The following POLR2M variants were observed in gnomAD, a reference collection of about 807,000 sequenced individuals.
The protein encoded by POLR2M is RNA polymerase II subunit M.
POLR2M carries 30 observed loss-of-function variants against 34.6 expected under a neutral mutation model. The observed-to-expected ratio is 0.87, with a 90% CI of 0.65 to 1.18. The LOEUF (loss-of-function observed/expected upper bound fraction) is 1.18. POLR2M is among the 50% of genes most tolerant of loss of function. The pLI, the probability that POLR2M is intolerant of heterozygous loss-of-function variation, is 0.00. For synonymous variants in POLR2M, 150 were observed against 166.7 expected (o/e 0.90, Z 0.77); for missense variants, 432 against 448.7 (o/e 0.96, Z 0.34).
Position 57,706,747 on chromosome 15 carries a change from C to G in POLR2M, c.-96C>G, listed in dbSNP as rs1010742799. ...GGGAAAATGGCGACTCCCGCTCGTGCCCCGGAGTCACCGCCGTCCGCGGAT... is the reference window on the plus strand; with the variant it reads ...GGGAAAATGGCGACTCCCGCTCGTGGCCCGGAGTCACCGCCGTCCGCGGAT... On this transcript the variant is annotated 5_prime_UTR_variant, in exon 1 of 4. Transcript: ENST00000299638. 7.2e-6 allele frequency: 10 copies of G among 1,395,518 alleles called. No individual in the cohort carries two copies. In the South Asian group the frequency reaches 1.1e-4, roughly 15 times the overall value. 86.4% of individuals were successfully genotyped at this position (1,395,518 alleles called of 1,614,324 possible).
Position 57,712,230 on chromosome 15 carries a change from G to A in POLR2M, c.963+42G>A, listed in dbSNP as rs1863402. 2.1e-3 allele frequency: 3,392 copies of A among 1,604,008 alleles called. 64 individuals are homozygous for A. In the African/African-American group the frequency reaches 0.04, roughly 19 times the overall value. ...TTTTCTTGTCTGTTTGTTGGGTGCT[G>A]CTTACATAAGCTAGAATTTACTCCA... is the stretch of plus-strand genomic sequence containing the variant. On this transcript the variant is annotated intron_variant, in intron 3 of 3. Coordinates refer to ENST00000299638, the MANE Select transcript of POLR2M (RefSeq NM_015532.5).
intron 3 of POLR2M, among the ~76,000 whole-genome samples, chr15:57,712,746 G>T (rs1239714203): frequency 6.6e-6 from 1 of 152,184 alleles, no homozygotes; most frequent in Non-Finnish European, 1.5e-5. Context: ...AATCAATTTT[G>T]CATAGCACTT....
Position 57,716,755 on chromosome 15 carries a change from C to A in POLR2M, c.*2076C>A, listed in dbSNP as rs1195277862. On this transcript the variant is annotated 3_prime_UTR_variant, in exon 4 of 4. Coordinates refer to ENST00000299638, the MANE Select transcript of POLR2M (RefSeq NM_015532.5). ...GTTCTTAAGAATGTCCGTCCTTTGT[C>A]ATATATTGTAACTTTTTTTAGCCTT... The A allele has an allele frequency of 1.3e-5, 2 of 152,308 alleles. No homozygotes were observed. Among genetic ancestry groups the A allele is most frequent in the Admixed American group, 6.5e-5 (1 of 15,300 alleles). 9.4% of individuals were successfully genotyped at this position (152,308 alleles called of 1,614,324 possible). A position where few individuals can be genotyped will look rare whatever the true frequency, so the allele number is the denominator to read the frequency against.
chr15:57,712,690 T>C (rs16977644), intron 3 of POLR2M, among the ~76,000 whole-genome samples: 54,737 of 152,142 alleles, frequency 0.36, 12,462 homozygotes, highest in African/African-American at 0.63. Context: ...GAGCATAATC[T>C]GCAGGCCCAT....
Position 57,712,061 on chromosome 15 carries a change from G to C in POLR2M, c.836G>C (p.Arg279Pro). 1 of 1,613,996 alleles carries C rather than the reference G, an allele frequency of 6.2e-7. No homozygotes were observed. The highest frequency in any genetic ancestry group is 1.1e-5 in the South Asian group (1 of 91,074). ...CCTATTTCCTCAGAAGAGCGGCGGC[G>C]CAGGGATAAGCAGCATCTTGATGAC... ...GSPISSEERR[R>P]RDKQHLDDIT... The change falls in exon 3 of 4, where the codon CGC (arginine) becomes CCC (proline). Residue 279 changes from arginine to proline, a missense_variant. Physicochemically the swap from Arg to Pro is moderately radical, Grantham distance 103. Transcript: ENST00000299638.
Position 57,709,038 on chromosome 15 carries a change from T to A in POLR2M, c.438T>A (p.Val146=). Residue 146 remains valine, a synonymous_variant, in exon 2 of 4, where the codon GTT becomes GTA. Transcript: ENST00000299638. ...TLEGDEETSE[V]EYTVNKGPAS... ...AAGGTGATGAAGAGACTTCAGAGGT[T>A]GAGTACACAGTGAATAAGGGCCCAG... is the stretch of plus-strand genomic sequence containing the variant. 1 of 1,614,084 alleles carries A rather than the reference T, an allele frequency of 6.2e-7. No individual in the cohort carries two copies. The highest frequency in any genetic ancestry group is 8.5e-7 in the Non-Finnish European group (1 of 1,179,988).
Position 57,716,515 on chromosome 15 carries a change from A to G in POLR2M, c.*1836A>G, listed in dbSNP as rs1465983387. On this transcript the variant is annotated 3_prime_UTR_variant, in exon 4 of 4. Transcript: ENST00000299638. ...TACATTCCCATTAGCAATATATCCAATGCTCAGAATTGAAAATTACTACTT... is the reference window on the plus strand; with the variant it reads ...TACATTCCCATTAGCAATATATCCAGTGCTCAGAATTGAAAATTACTACTT... 2.0e-5 allele frequency: 3 copies of G among 152,288 alleles called. No individual in the cohort carries two copies. Among genetic ancestry groups the G allele is most frequent in the East Asian group, 3.8e-4 (2 of 5,208 alleles). The allele number at this position is 152,288 out of a possible 1,614,324, so 9.4% of individuals were successfully genotyped here. A position where few individuals can be genotyped will look rare whatever the true frequency, so the allele number is the denominator to read the frequency against.
chr15:57,708,522 C>A lies in POLR2M; in HGVS notation c.114-192C>A, dbSNP rs532847757. Among the ~76,000 whole-genome samples the A allele has an allele frequency of 2.8e-4, 42 of 152,240 alleles. No individual in the cohort carries two copies. In the South Asian group the frequency reaches 8.5e-3, roughly 31 times the overall value. On this transcript the variant is annotated intron_variant, in intron 1 of 3. Transcript: ENST00000299638. ...ATATATTCCCTATTCTTCCTGCATT[C>A]CCTTGTTTTTTGGGCTATTTGGATA...
chr15:57,710,926 A>G (rs1016168904), intron 2 of POLR2M, among the ~76,000 whole-genome samples: 1 of 151,816 alleles, frequency 6.6e-6, no homozygotes, highest in Non-Finnish European at 1.5e-5. Context: ...CCTTCTGCAT[A>G]CTCTTCTGGC....
chr15:57,710,253 A>C (rs2040656932), intron 2 of POLR2M, among the ~76,000 whole-genome samples: 1 of 152,208 alleles, frequency 6.6e-6, no homozygotes, highest in African/African-American at 2.4e-5. Context: ...CCTTGCCATA[A>C]ATTTGTTTCT....
rs377736232 is a variant in POLR2M, at chr15:57,714,633, G to A, written c.1061G>A (p.Arg354Gln). 25 of 1,612,420 alleles carry A rather than the reference G, an allele frequency of 1.6e-5. No homozygotes were observed. Among genetic ancestry groups the A allele is most frequent in the Admixed American group, 5.0e-5 (3 of 59,946 alleles). The change falls in exon 4 of 4, where the codon CGA becomes CAA. Residue 354 changes from arginine to glutamine, a missense_variant. Physicochemically the swap from Arg to Gln is conservative, Grantham distance 43. Coordinates refer to ENST00000299638, the MANE Select transcript of POLR2M (RefSeq NM_015532.5). ...NPEGESSGRY[R>Q]EVRDEDDDWS... ...GAAGGGGAGTCTTCAGGGAGATACCGAGAAGTAAGGGATGAAGATGACGAT... is the reference window on the plus strand; with the variant it reads ...GAAGGGGAGTCTTCAGGGAGATACCAAGAAGTAAGGGATGAAGATGACGAT...
Position 57,708,896 on chromosome 15 carries a change from C to G in POLR2M, c.296C>G (p.Ala99Gly). The change falls in exon 2 of 4, where the codon GCC becomes GGC. Residue 99 changes from alanine (A) to glycine (G), a missense_variant. By Grantham distance (60) the Ala-to-Gly change is moderately conservative. Coordinates refer to ENST00000299638, the MANE Select transcript of POLR2M (RefSeq NM_015532.5). ...GAAGTTGATGTGGGTACAGATAAGG[C>G]CCAGAATTCTGACCCGATACTTGAT... ...IAEVDVGTDK[A>G]QNSDPILDTS... is the part of the protein sequence containing the mutation. The G allele has an allele frequency of 6.2e-7, 1 of 1,613,992 alleles. No homozygotes were observed. Among genetic ancestry groups the G allele is most frequent in the Non-Finnish European group, 8.5e-7 (1 of 1,179,928 alleles).
chr15:57,707,229 G>A (rs2040528476), intron 1 of POLR2M: 1 of 1,340,906 alleles, frequency 7.5e-7, no homozygotes, highest in Non-Finnish European at 9.9e-7. Context: ...TATTTACCCG[G>A]GGACTGTGGT....
chr15:57,712,229 T>C, intron 3 of POLR2M, 41 bp downstream of exon 3: 2 of 1,607,394 alleles, frequency 1.2e-6, no homozygotes, highest in Non-Finnish European at 1.7e-6. Context: ...TGTTGGGTGC[T>C]GCTTACATAA....
chr15:57,716,544 A>G lies in POLR2M; in HGVS notation c.*1865A>G, dbSNP rs1199763240. The G allele has an allele frequency of 6.6e-6, 1 of 152,288 alleles. No homozygotes were observed. The highest frequency in any genetic ancestry group is 1.5e-5 in the Non-Finnish European group (1 of 68,048). 9.4% of individuals were successfully genotyped at this position (152,288 alleles called of 1,614,324 possible). A position where few individuals can be genotyped will look rare whatever the true frequency, so the allele number is the denominator to read the frequency against. The stretch of plus-strand genomic sequence containing the variant: ...TCAGAATTGAAAATTACTACTTAAA[A>G]TCTTTGCAAATTGAATAATTACAGA... On this transcript the variant is annotated 3_prime_UTR_variant, in exon 4 of 4. Transcript: ENST00000299638.
At chr15:57,707,563 A>T (rs546935057) in intron 1 of POLR2M, 2 of 460,602 alleles carry the variant, frequency 4.3e-6, no homozygotes, top group Non-Finnish European at 4.3e-6. Flanking sequence ...CCCACGAGAC[A>T]CTTGTAAGAA....
rs1000542567 is a variant in POLR2M, at chr15:57,707,498, T to C, written c.113+543T>C. The C allele has an allele frequency of 6.0e-6, 3 of 503,906 alleles. No homozygotes were observed. In the Admixed American group the frequency reaches 6.8e-5, roughly 11 times the overall value. The allele number at this position is 503,906 out of a possible 1,614,324, so 31.2% of individuals were successfully genotyped here. On this transcript the variant is annotated intron_variant, in intron 1 of 3. Transcript: ENST00000299638. ...TTGTTCAGCAGCTTGTTGCAAAAGA[T>C]GGTTTGAAGGAATAAAAAGCAGAAG...
rs1219637495 is a variant in POLR2M, at chr15:57,709,313, G to A, written c.713G>A (p.Arg238Gln). ...CATTACATGGAAGTGCTAGAAATGC[G>A]AGCCAAAAACCCAGTGCCCCAGCTG... ...KPHYMEVLEM[R>Q]AKNPVPQLRK... Residue 238 changes from arginine to glutamine, a missense_variant, in exon 2 of 4, where the codon CGA becomes CAA. Coordinates refer to ENST00000299638, the MANE Select transcript of POLR2M (RefSeq NM_015532.5). The A allele has an allele frequency of 5.0e-6, 8 of 1,613,866 alleles. No homozygotes were observed. The African/African-American group carries it at 5.3e-5, about 11-fold the overall frequency.
At chr15:57,713,207 A>C (rs1050056976) in intron 3 of POLR2M, among the ~76,000 whole-genome samples, 8 of 151,488 alleles carry the variant, frequency 5.3e-5, no homozygotes, top group Non-Finnish European at 8.8e-5. Flanking sequence ...CAAAAAAAAA[A>C]ACAACAAAAC....
Sources: gnomAD v4.1 joint callset for allele counts (sites outside exome capture counted in the v4.1 genomes callset) on GRCh38, gnomAD v4.1.1 for gene constraint, MANE v1.5 for transcripts, NCBI Gene and HGNC (gene_info 2026-07-23, HGNC 2026-07-21) for gene names.